Variants in MDGA2 observed in about 807,000 individuals in gnomAD.
The protein encoded by MDGA2 is MAM domain-containing glycosylphosphatidylinositol anchor protein 2.
Under a neutral mutation model 117.8 loss-of-function variants are expected in MDGA2, and 40 were observed. The ratio of observed to expected loss-of-function variants is 0.34; its 90% CI spans 0.26 to 0.44. The LOEUF (loss-of-function observed/expected upper bound fraction) is 0.44. Among genes scored for constraint, MDGA2 ranks in the 20% least tolerant of loss-of-function variants. MDGA2 has a pLI of 1.00. For missense variants in MDGA2, 1,123 were observed against 1,250.6 expected (o/e 0.90, Z 1.54); for synonymous variants, 452 against 439.0 (o/e 1.03, Z -0.37).
At chr14:47,501,303 AT>A (rs1894393984) in intron 1 of MDGA2, among the ~76,000 whole-genome samples, 1 of 152,178 alleles carries the variant, frequency 6.6e-6, no homozygotes, top group Admixed American at 6.5e-5. Context: ...AGAGGATGAG[AT>A]AGAGTCCTTT....
intron 1 of MDGA2, among the ~76,000 whole-genome samples, chr14:47,543,802 A>C (rs1345641400): frequency 6.6e-6 from 1 of 152,210 alleles, no homozygotes; most frequent in Non-Finnish European, 1.5e-5. Flanking sequence ...TCATTTGGCA[A>C]AGTGAAAACT....
chr14:47,432,604 G>A lies in MDGA2; in HGVS notation c.281-131054C>T, dbSNP rs1341022338. 2.6e-5 allele frequency among the ~76,000 whole-genome samples: 4 copies of A among 152,050 alleles called. No individual in the cohort carries two copies. In the East Asian group the frequency reaches 5.8e-4, roughly 22 times the overall value. ...TCACTTATATGAACAAAGGCCTTATGAACTACCTTATACTTTCTGTGCCCT... is the reference window on the plus strand; with the variant it reads ...TCACTTATATGAACAAAGGCCTTATAAACTACCTTATACTTTCTGTGCCCT... On this transcript the variant is annotated intron_variant, in intron 1 of 16. Transcript: ENST00000399232.
intron 1 of MDGA2, among the ~76,000 whole-genome samples, chr14:47,365,874 A>T (rs1891220870): frequency 1.3e-5 from 2 of 152,226 alleles, no homozygotes; most frequent in Non-Finnish European, 2.9e-5. Flanking sequence ...ATGCCAAGGC[A>T]TATTCATTCT....
chr14:47,524,138 A>T (rs1188982267), intron 1 of MDGA2, among the ~76,000 whole-genome samples: 1 of 152,162 alleles, frequency 6.6e-6, no homozygotes, highest in Non-Finnish European at 1.5e-5. Flanking sequence ...ATTTTTGAAG[A>T]TTTGTATCCT....
At chr14:46,966,779 G>A (rs1416231822) in intron 8 of MDGA2, among the ~76,000 whole-genome samples, 1 of 141,760 alleles carries the variant, frequency 7.1e-6, no homozygotes, top group Non-Finnish European at 1.6e-5. Flanking sequence ...TGTATCTACT[G>A]GCTCAAGATG....
chr14:47,177,160 A>G (rs61995378), intron 3 of MDGA2, among the ~76,000 whole-genome samples: 17 of 152,264 alleles, frequency 1.1e-4, no homozygotes, highest in South Asian at 2.1e-4. Context: ...AACAGGTGCT[A>G]GAGAGGATGT....
intron 3 of MDGA2, among the ~76,000 whole-genome samples, chr14:47,196,283 A>G (rs1885286011): frequency 6.6e-6 from 1 of 152,160 alleles, no homozygotes; most frequent in African/African-American, 2.4e-5. Context: ...ATAGGAGAGT[A>G]TAAGTAGCTG....
intron 3 of MDGA2, among the ~76,000 whole-genome samples, chr14:47,161,860 T>A (rs1477370155): frequency 4.0e-5 from 6 of 150,878 alleles, no homozygotes; most frequent in Admixed American, 4.0e-4. Context: ...CTAATTGGGT[T>A]CTTATTCCAC....
chr14:47,487,455 A>T (rs543949855), intron 1 of MDGA2, among the ~76,000 whole-genome samples: 42 of 152,356 alleles, frequency 2.8e-4, no homozygotes, highest in African/African-American at 9.4e-4. Flanking sequence ...ACAGAGTTGT[A>T]TGAGTTGAAT....
intron 1 of MDGA2, among the ~76,000 whole-genome samples, chr14:47,378,163 A>G (rs925749493): frequency 6.6e-6 from 1 of 152,246 alleles, no homozygotes; most frequent in African/African-American, 2.4e-5. Context: ...TGTTAGAAGG[A>G]AAACTAACAA....
At chr14:46,887,817 G>T (rs1427742381) in intron 10 of MDGA2, among the ~76,000 whole-genome samples, 2 of 151,728 alleles carry the variant, frequency 1.3e-5, no homozygotes, top group East Asian at 1.9e-4. Context: ...TTAAAAGATA[G>T]ATAAAATCAA....
intron 8 of MDGA2, among the ~76,000 whole-genome samples, chr14:46,963,972 G>C (rs957136399): frequency 6.6e-6 from 1 of 152,164 alleles, no homozygotes; most frequent in Admixed American, 6.5e-5. Context: ...ATTTCATTAA[G>C]TCTGGATGGG....
chr14:47,119,461 T>A (rs1450409897), intron 5 of MDGA2, among the ~76,000 whole-genome samples: 1 of 152,176 alleles, frequency 6.6e-6, no homozygotes, highest in Non-Finnish European at 1.5e-5. Flanking sequence ...CAATGTTTAG[T>A]GTGCAGACCA....
At chr14:47,358,233 A>G (rs1292687810) in intron 1 of MDGA2, among the ~76,000 whole-genome samples, 2 of 151,954 alleles carry the variant, frequency 1.3e-5, no homozygotes, top group Non-Finnish European at 1.5e-5. Flanking sequence ...TGCTGCCTTT[A>G]CTCCACCTCT....
chr14:47,461,970 A>C (rs1055045193), intron 1 of MDGA2, among the ~76,000 whole-genome samples: 2 of 152,174 alleles, frequency 1.3e-5, no homozygotes, highest in African/African-American at 4.8e-5. Flanking sequence ...AAATTGTTCT[A>C]ATTAGAAATA....
At chr14:47,135,991 T>C (rs1882434385) in intron 4 of MDGA2, among the ~76,000 whole-genome samples, 1 of 152,112 alleles carries the variant, frequency 6.6e-6, no homozygotes, top group African/African-American at 2.4e-5. Flanking sequence ...CGCAGATTTA[T>C]ATTTATTCTA....
At chr14:47,144,349 C>T (rs1348534937) in intron 3 of MDGA2, 75 bp from the exon 4 acceptor site, 2 of 1,116,418 alleles carry the variant, frequency 1.8e-6, no homozygotes, top group Non-Finnish European at 2.5e-6. Flanking sequence ...TTATATAACC[C>T]AACCAAAAAT....
intron 1 of MDGA2, among the ~76,000 whole-genome samples, chr14:47,351,232 C>G (rs890689349): frequency 1.3e-5 from 2 of 152,094 alleles, no homozygotes; most frequent in Non-Finnish European, 1.5e-5. Context: ...CAGGCGCCTG[C>G]CACCATGCCC....
intron 2 of MDGA2, among the ~76,000 whole-genome samples, chr14:47,242,767 A>G (rs568110054): frequency 6.6e-6 from 1 of 151,824 alleles, no homozygotes; most frequent in East Asian, 1.9e-4. Context: ...CTCCCCGACG[A>G]GCACCACCCC....
Sources: allele counts gnomAD v4.1 joint callset (sites outside exome capture counted in the v4.1 genomes callset), GRCh38; gene constraint gnomAD v4.1.1; transcripts MANE v1.5; gene names NCBI Gene and HGNC (gene_info 2026-07-23, HGNC 2026-07-21).